Variants in KLF11 observed in about 807,000 individuals in gnomAD.
The protein encoded by KLF11 is KLF transcription factor 11, also known as Krueppel-like factor 11.
Under a neutral mutation model 29.9 loss-of-function variants are expected in KLF11, and 26 were observed. The observed-to-expected ratio is 0.87, with a 90% CI of 0.64 to 1.21. KLF11 has a LOEUF of 1.21. KLF11 is among the 50% of genes most tolerant of loss of function. The pLI is 0.00. For missense variants in KLF11, 778 were observed against 665.7 expected, an observed-to-expected ratio of 1.17 and a Z score of -1.86; for synonymous variants, 318 against 257.4, an observed-to-expected ratio of 1.24 and a Z score of -2.25.
At chr2:10,045,444 C>G (rs1661163354) in intron 1 of KLF11, among the ~76,000 whole-genome samples, 1 of 151,958 alleles carries the variant, frequency 6.6e-6, no homozygotes, top group Non-Finnish European at 1.5e-5. Context: ...CTGCAGTGAG[C>G]CGAGATTGTG....
chr2:10,048,715 C>T, intron 3 of KLF11, 120 bp downstream of exon 3: 1 of 782,324 alleles, frequency 1.3e-6, no homozygotes, highest in Non-Finnish European at 2.2e-6. Context: ...GGAAGTGTGG[C>T]TTTTTCTTTG....
chr2:10,050,891 C>CTTT (rs1558350563), intron 3 of KLF11, among the ~76,000 whole-genome samples: 3 of 42,028 alleles, frequency 7.1e-5, no homozygotes, highest in Non-Finnish European at 9.9e-5. Flanking sequence ...ATAGATGCTA[C>CTTT]CTTTTTTTTT....
Position 10,051,719 on chromosome 2 carries a change from G to A in KLF11, c.1259-508G>A, listed in dbSNP as rs369948901. 3.4e-4 allele frequency among the ~76,000 whole-genome samples: 51 copies of A among 150,822 alleles called. No homozygotes were observed. In the South Asian group the frequency reaches 6.3e-3, roughly 19 times the overall value. On this transcript the variant is annotated intron_variant, in intron 3 of 3. Coordinates refer to ENST00000305883, the MANE Select transcript of KLF11 (RefSeq NM_003597.5). ...TTTTTAGTAGAGATGGGGTTTCACC[G>A]TGTTAGCCAGGATGGTCTCGGTCTT... is the stretch of plus-strand genomic sequence containing the variant.
At chr2:10,052,199 C>T (rs760923784) in intron 3 of KLF11, 28 bp from the exon 4 acceptor site, 2 of 1,611,862 alleles carry the variant, frequency 1.2e-6, no homozygotes, top group Admixed American at 1.7e-5. Context: ...TTTCCTTTCT[C>T]TTTAATATGT....
Position 10,043,917 on chromosome 2 carries a change from GCGGGGCGGCGGCCGCGACGGGCGCGCC to G in KLF11, c.42+164_42+190del, listed in dbSNP as rs1661078085. ...GGGCCTGGGCGGGCTCCGGAGCCGG[GCGGGGCGGCGGCCGCGACGGGCGCGCC>G]CGGGTCGGCGGGGGCGAGGAGGGGG... On this transcript the variant is annotated intron_variant, in intron 1 of 3. Coordinates refer to ENST00000305883, the MANE Select transcript of KLF11 (RefSeq NM_003597.5). 13 of 1,029,248 alleles carry G rather than the reference GCGGGGCGGCGGCCGCGACGGGCGCGCC, an allele frequency of 1.3e-5. No individual in the cohort carries two copies. In the South Asian group the frequency reaches 4.6e-4, roughly 36 times the overall value. 63.8% of individuals were successfully genotyped at this position (1,029,248 alleles called of 1,614,324 possible).
chr2:10,052,188 G>A (rs746403806), intron 3 of KLF11, 39 bp from the exon 4 acceptor site: 15 of 1,603,784 alleles, frequency 9.4e-6, no homozygotes, highest in East Asian at 4.5e-5. Context: ...GGTGCTTAGC[G>A]TTTCCTTTCT....
chr2:10,048,299 C>T lies in KLF11; in HGVS notation c.962C>T (p.Ala321Val). ...VGTVRPILAQ[A>V]APAPQPVFVG... is the part of the protein sequence containing the mutation. ...ACTGTGAGACCCATCCTAGCTCAGGCTGCTCCAGCGCCTCAACCTGTGTTC... is the reference window on the plus strand; with the variant it reads ...ACTGTGAGACCCATCCTAGCTCAGGTTGCTCCAGCGCCTCAACCTGTGTTC... Residue 321 changes from alanine (A) to valine (V), a missense_variant, in exon 3 of 4, where the codon GCT becomes GTT. Physicochemically the swap from Ala to Val is moderately conservative, Grantham distance 64. Coordinates refer to ENST00000305883, the MANE Select transcript of KLF11 (RefSeq NM_003597.5). The T allele has an allele frequency of 1.2e-6, 2 of 1,600,210 alleles. No individual in the cohort carries two copies. Among genetic ancestry groups the T allele is most frequent in the Non-Finnish European group, 8.5e-7 (1 of 1,171,640 alleles).
chr2:10,047,376 C>A (rs548101021), intron 2 of KLF11, among the ~76,000 whole-genome samples: 5 of 152,250 alleles, frequency 3.3e-5, no homozygotes, highest in Admixed American at 6.5e-5. Flanking sequence ...TGTGGGTTGT[C>A]GGGAGGGTTG....
intron 3 of KLF11, among the ~76,000 whole-genome samples, chr2:10,049,962 G>GT: frequency 6.6e-6 from 1 of 152,240 alleles, no homozygotes. Context: ...GACTCTCCAG[G>GT]GGAACTTTGC....
At chr2:10,051,718 C>T (rs1345018948) in intron 3 of KLF11, among the ~76,000 whole-genome samples, 1 of 148,324 alleles carries the variant, frequency 6.7e-6, no homozygotes, top group African/African-American at 2.5e-5. Context: ...GGGGTTTCAC[C>T]GTGTTAGCCA....
chr2:10,045,642 G>C (rs748938832), intron 1 of KLF11, among the ~76,000 whole-genome samples: 2 of 152,378 alleles, frequency 1.3e-5, no homozygotes, highest in African/African-American at 4.8e-5. Flanking sequence ...GGCCCTACCT[G>C]CGTGGAGTGC....
At chr2:10,044,319 C>G in intron 1 of KLF11, 2 of 985,504 alleles carry the variant, frequency 2.0e-6, no homozygotes, top group Non-Finnish European at 2.4e-6. Context: ...GGCGGGAACG[C>G]GGCACGCGAG....
chr2:10,043,938 G>A (rs1572433777), intron 1 of KLF11, 180 bp downstream of exon 1: 1 of 1,003,840 alleles, frequency 1.0e-6, no homozygotes, highest in Non-Finnish European at 1.2e-6. Context: ...GCCGCGACGG[G>A]CGCGCCCGGG....
intron 3 of KLF11, among the ~76,000 whole-genome samples, chr2:10,050,930 C>T (rs1416299089): frequency 3.0e-5 from 2 of 66,504 alleles, no homozygotes; most frequent in Admixed American, 2.5e-4. Flanking sequence ...GAGATGGAAT[C>T]TTGCTCTGTC....
rs762579567 is a variant in KLF11, at chr2:10,052,515, A to G, written c.*8A>G. On this transcript the variant is annotated 3_prime_UTR_variant, in exon 4 of 4. Coordinates refer to ENST00000305883, the MANE Select transcript of KLF11 (RefSeq NM_003597.5). ...ATGCCAGCCTCTGCCTGAAAGGTCC[A>G]TTAGGACATCACTCATGGGATTTTT... is the stretch of plus-strand genomic sequence containing the variant. The G allele has an allele frequency of 1.1e-5, 18 of 1,613,484 alleles. No homozygotes were observed. In the East Asian group the frequency reaches 2.9e-4, roughly 26 times the overall value.
At chr2:10,048,632 G>T in intron 3 of KLF11, 37 bp downstream of exon 3, 2 of 1,497,352 alleles carry the variant, frequency 1.3e-6, no homozygotes, top group South Asian at 2.2e-5. Context: ...GGGCACACCA[G>T]ACCCTGTGGT....
intron 2 of KLF11, among the ~76,000 whole-genome samples, chr2:10,046,787 G>A (rs1358664912): frequency 2.0e-5 from 3 of 152,130 alleles, no homozygotes; most frequent in Non-Finnish European, 2.9e-5. Context: ...CCCGGGAGGC[G>A]GAGGTTGCAG....
intron 1 of KLF11, among the ~76,000 whole-genome samples, chr2:10,045,727 CAG>C (rs374107602): frequency 1.3e-5 from 2 of 152,262 alleles, no homozygotes; most frequent in Non-Finnish European, 2.9e-5. Flanking sequence ...TTTGCCGCCT[CAG>C]AGAGCCATGG....
chr2:10,052,396 C>T lies in KLF11; in HGVS notation c.1428C>T (p.His476=). 1 of 1,614,152 alleles carries T rather than the reference C, an allele frequency of 6.2e-7. No homozygotes were observed. The highest frequency in any genetic ancestry group is 1.1e-5 in the South Asian group (1 of 91,080). ...SDHLTKHARR[H]MTTKKIPGWQ... The stretch of plus-strand genomic sequence containing the variant: ...ACCTGACGAAGCATGCCCGGCGCCA[C>T]ATGACGACCAAGAAGATCCCAGGCT... The change falls in exon 4 of 4, where the codon CAC becomes CAT. Residue 476 remains histidine (H), a synonymous_variant. Transcript: ENST00000305883.
Sources: allele counts gnomAD v4.1 joint callset (sites outside exome capture counted in the v4.1 genomes callset), GRCh38; gene constraint gnomAD v4.1.1; transcripts MANE v1.5; gene names NCBI Gene and HGNC (gene_info 2026-07-23, HGNC 2026-07-21).